The following SLC4A1 variants were observed in gnomAD, a reference collection of about 807,000 sequenced individuals.
SLC4A1 encodes band 3 anion transport protein.
SLC4A1 carries 29 observed loss-of-function variants against 93.1 expected under a neutral mutation model. The ratio of observed to expected loss-of-function variants is 0.31; its 90% confidence interval spans 0.23 to 0.42. The LOEUF (loss-of-function observed/expected upper bound fraction) is 0.42. Ranked by LOEUF, SLC4A1 falls within the 20% of genes least tolerant of loss-of-function variation. The pLI is 1.00. For synonymous variants in SLC4A1, 469 were observed against 497.2 expected (o/e 0.94, Z 0.76); for missense variants, 965 against 1,190.1 (o/e 0.81, Z 2.78).
chr17:44,250,243 T>C lies in SLC4A1; in HGVS notation c.*215A>G, dbSNP rs898485165. ...AGGGACTGTGCAACAAACCCCCTAATGTGGGCCCCATCGGCCATCCCCAGC... is the reference window on the plus strand; with the variant it reads ...AGGGACTGTGCAACAAACCCCCTAACGTGGGCCCCATCGGCCATCCCCAGC... On this transcript the variant is annotated 3_prime_UTR_variant, in exon 20 of 20. Transcript: ENST00000262418. 7 of 559,188 alleles carry C rather than the reference T, an allele frequency of 1.3e-5. No individual in the cohort carries two copies. Among genetic ancestry groups the C allele is most frequent in the African/African-American group, 7.5e-5 (4 of 53,028 alleles). 34.6% of individuals were successfully genotyped at this position (559,188 alleles called of 1,614,324 possible).
At chr17:44,256,770 G>A (rs1193576465) in intron 13 of SLC4A1, among the ~76,000 whole-genome samples, 1 of 152,228 alleles carries the variant, frequency 6.6e-6, no homozygotes, top group Non-Finnish European at 1.5e-5. Context: ...CTCAGCAAGA[G>A]TGCTGGCCAC....
At chr17:44,254,471 G>GGCC in intron 16 of SLC4A1, 25 bp downstream of exon 16, 1 of 1,507,954 alleles carries the variant, frequency 6.6e-7, no homozygotes, top group Non-Finnish European at 9.2e-7. Flanking sequence ...ACCCTCCCAG[G>GGCC]CCCAGCCCCC....
rs13306774 is a variant in SLC4A1, at chr17:44,260,653, G to C, written c.331C>G (p.Arg111Gly). The C allele has an allele frequency of 1.2e-5, 20 of 1,614,040 alleles. No homozygotes were observed. Among genetic ancestry groups the C allele is most frequent in the Non-Finnish European group, 1.6e-5 (19 of 1,180,030 alleles). The part of the protein sequence containing the change: ...HLTFWSLLEL[R>G]RVFTKGTVLL... ...GGCTCACCCTTGGTGAAGACTCTACGCAGCTCTAGGAGGCTCCAGAAGGTG... is the reference window on the plus strand; with the variant it reads ...GGCTCACCCTTGGTGAAGACTCTACCCAGCTCTAGGAGGCTCCAGAAGGTG... The change falls in exon 5 of 20, where the codon CGT becomes GGT. Residue 111 changes from arginine to glycine, a missense_variant. Transcript: ENST00000262418.
intron 1 of SLC4A1, among the ~76,000 whole-genome samples, chr17:44,265,721 G>A (rs1391961112): frequency 6.6e-6 from 1 of 152,152 alleles, no homozygotes; most frequent in African/African-American, 2.4e-5. Context: ...AGGCATGCCT[G>A]GGTGGAGCTG....
Position 44,262,849 on chromosome 17 carries a change from C to T in SLC4A1, c.15+3G>A, listed in dbSNP as rs374737980. 8.1e-6 allele frequency: 13 copies of T among 1,614,086 alleles called. No individual in the cohort carries two copies. The highest frequency in any genetic ancestry group is 1.3e-5 in the African/African-American group (1 of 75,060). On this transcript the variant is annotated splice_donor_region_variant and intron_variant, in intron 2 of 19. Transcript: ENST00000262418. Reference sequence around the variant, plus strand: ...AGCACTGCTGATGCCAGGGAACACCCACCTGCAGCTCCTCCATGGCGTGGT... The same window carrying T: ...AGCACTGCTGATGCCAGGGAACACCTACCTGCAGCTCCTCCATGGCGTGGT...
chr17:44,252,077 G>A (rs1192039464), intron 17 of SLC4A1, among the ~76,000 whole-genome samples: 1 of 124,522 alleles, frequency 8.0e-6, no homozygotes, highest in African/African-American at 3.4e-5. Context: ...TTTTTTTGAG[G>A]CGGAGTCTCA....
intron 11 of SLC4A1, 66 bp from the exon 12 acceptor site, chr17:44,257,873 C>A: frequency 6.2e-7 from 1 of 1,609,384 alleles, no homozygotes; most frequent in South Asian, 1.1e-5. Flanking sequence ...TAGAGCAAGT[C>A]ATGGTCAGGC....
chr17:44,263,914 C>A lies in SLC4A1; in HGVS notation c.-68-980G>T, dbSNP rs57227020. Among the ~76,000 whole-genome samples, 387 of 152,084 alleles carry A rather than the reference C, an allele frequency of 2.5e-3. 1 individual carries two copies. The highest frequency in any genetic ancestry group is 8.7e-3 in the African/African-American group (361 of 41,462). On this transcript the variant is annotated intron_variant, in intron 1 of 19. Coordinates refer to ENST00000262418, the MANE Select transcript of SLC4A1 (RefSeq NM_000342.4). ...CCTCCTGAGTAACTGGAATTATAGG[C>A]ATGCCACAGTGCCCAGGTAATTAAA...
At position 44,255,236 on chromosome 17, in the gene SLC4A1, C is replaced by A. The variant is rs1425064865; in HGVS notation, c.1861G>T (p.Asp621Tyr). The change falls in exon 15 of 20, where the codon GAT (aspartate) becomes TAT (tyrosine). Residue 621 changes from aspartate to tyrosine, a missense_variant. By Grantham distance (160) the Asp-to-Tyr change is radical. Around this residue, in one of 2 missense-constraint regions of SLC4A1, gnomAD observed 770 missense variants for 1,006.6 expected, o/e 0.76. Transcript: ENST00000262418. ...PISILIMVLV[D>Y]FFIQDTYTQK... ...GTGTAGGTATCCTGAATGAAGAAAT[C>A]CACCAGGACCATGATCAGGATGGAG... 1 of 1,558,118 alleles carries A rather than the reference C, an allele frequency of 6.4e-7. No homozygotes were observed. Among genetic ancestry groups the A allele is most frequent in the Admixed American group, 2.0e-5 (1 of 51,058 alleles).
At chr17:44,252,106 A>T (rs1390947484) in intron 17 of SLC4A1, among the ~76,000 whole-genome samples, 1 of 120,876 alleles carries the variant, frequency 8.3e-6, no homozygotes, top group Non-Finnish European at 1.6e-5. Context: ...CCCAGGCTGG[A>T]GTGCAGTGGT....
At chr17:44,259,419 G>T in intron 8 of SLC4A1, 75 bp from the exon 9 acceptor site, 1 of 1,604,076 alleles carries the variant, frequency 6.2e-7, no homozygotes, top group Non-Finnish European at 8.5e-7. Context: ...GGCTGCGGGG[G>T]TCCAGGCTGA....
chr17:44,260,767 G>T lies in SLC4A1; in HGVS notation c.217C>A (p.Leu73Met), dbSNP rs781490287. 64 of 1,613,812 alleles carry T rather than the reference G, an allele frequency of 4.0e-5. No individual in the cohort carries two copies. The highest frequency in any genetic ancestry group is 5.3e-5 in the Non-Finnish European group (63 of 1,180,040). The change falls in exon 5 of 20, where the codon CTG becomes ATG. Residue 73 changes from leucine to methionine, a missense_variant. By Grantham distance (15) the Leu-to-Met change is conservative. Coordinates refer to ENST00000262418, the MANE Select transcript of SLC4A1 (RefSeq NM_000342.4). ...ELVMDEKNQE[L>M]RWMEAARWVQ... ...CAGCGCGCCGCCTCCATCCATCTCA[G>T]CTCCTGGTTCTTTTCGTCCATCACC...
At chr17:44,251,839 T>C (rs944493436) in intron 17 of SLC4A1, among the ~76,000 whole-genome samples, 1 of 144,250 alleles carries the variant, frequency 6.9e-6, no homozygotes, top group African/African-American at 2.6e-5. Context: ...TCCCAAGTGA[T>C]CCTCCCGCTT....
Position 44,251,914 on chromosome 17 carries a change from T to A in SLC4A1, c.2312-326A>T, listed in dbSNP as rs549720395. Among the ~76,000 whole-genome samples, 45 of 150,038 alleles carry A rather than the reference T, an allele frequency of 3.0e-4. No individual in the cohort carries two copies. The South Asian group carries it at 7.8e-3, about 26-fold the overall frequency. On this transcript the variant is annotated intron_variant, in intron 17 of 19. Transcript: ENST00000262418. ...ACACCTGGATCATTTTTTTTTTTTT[T>A]AATTTTTAGTAGAGACAAGGTCTCA...
chr17:44,257,243 C>T (rs182858131), intron 13 of SLC4A1, 107 bp downstream of exon 13: 34 of 1,081,118 alleles, frequency 3.1e-5, no homozygotes, highest in African/African-American at 1.9e-4. Flanking sequence ...CCACCTGCCT[C>T]GGCCTCCCAA....
intron 7 of SLC4A1, 49 bp downstream of exon 7, chr17:44,259,760 C>T: frequency 6.2e-7 from 1 of 1,613,362 alleles, no homozygotes; most frequent in Non-Finnish European, 8.5e-7. Flanking sequence ...TGAGAAAGCT[C>T]TCTCCTTGCC....
rs746715222 is a variant in SLC4A1, at chr17:44,257,777, G to A, written c.1313C>T (p.Ser438Leu). Residue 438 changes from serine to leucine, a missense_variant, in exon 12 of 20, where the codon TCG (serine) becomes TTG (leucine). Transcript: ENST00000262418. ...CACTGCAGTGGAGATCAGCAGCTCCGACACTCCCATCTGGTTCCGGGTCTT... is the reference window on the plus strand; with the variant it reads ...CACTGCAGTGGAGATCAGCAGCTCCAACACTCCCATCTGGTTCCGGGTCTT... Reference protein sequence around the residue: ...GEKTRNQMGVSELLISTAVQG... With the variant: ...GEKTRNQMGVLELLISTAVQG... The A allele has an allele frequency of 1.2e-5, 19 of 1,613,976 alleles. No homozygotes were observed. The Middle Eastern group carries it at 6.6e-4, about 56-fold the overall frequency.
intron 17 of SLC4A1, 122 bp downstream of exon 17, chr17:44,252,996 G>T: frequency 9.6e-7 from 1 of 1,042,526 alleles, no homozygotes. Flanking sequence ...GGGAGATGTG[G>T]GGAAGTGGTG....
Position 44,250,330 on chromosome 17 carries a change from A to T in SLC4A1, c.*128T>A. Reference sequence around the variant, plus strand: ...GGACACGCCTTCCTTCCCCACCCACAGCCCTGGGGCCTCAGCTGCTGCTCC... The same window carrying T: ...GGACACGCCTTCCTTCCCCACCCACTGCCCTGGGGCCTCAGCTGCTGCTCC... On this transcript the variant is annotated 3_prime_UTR_variant, in exon 20 of 20. Coordinates refer to ENST00000262418, the MANE Select transcript of SLC4A1 (RefSeq NM_000342.4). 1.3e-6 allele frequency: 1 copy of T among 783,092 alleles called. No homozygotes were observed. The highest frequency in any genetic ancestry group is 2.2e-6 in the Non-Finnish European group (1 of 454,448). The allele number at this position is 783,092 out of a possible 1,614,324, so 48.5% of individuals were successfully genotyped here.
Sources: allele counts gnomAD v4.1 joint callset (sites outside exome capture counted in the v4.1 genomes callset), GRCh38; gene constraint gnomAD v4.1.1; regional missense constraint gnomAD v4.1.1; transcripts MANE v1.5; gene names NCBI Gene and HGNC (gene_info 2026-07-23, HGNC 2026-07-21).